Variants in TLN2 observed in about 807,000 individuals in gnomAD.
TLN2 encodes talin 2.
Under a neutral mutation model 294.7 loss-of-function variants are expected in TLN2, and 118 were observed. That is an observed-to-expected ratio of 0.40 (90% CI 0.34 to 0.47). The LOEUF (loss-of-function observed/expected upper bound fraction) is 0.47, where lower values mean the gene tolerates loss of function less well. TLN2 is among the 20% of genes least tolerant of loss of function. The pLI is 0.84. For missense variants in TLN2, 3,083 were observed against 3,282.2 expected, an observed-to-expected ratio of 0.94 and a Z score of 1.48; for synonymous variants, 1,431 against 1,304.5, an observed-to-expected ratio of 1.10 and a Z score of -2.09.
At chr15:62,786,111 T>C (rs183220881) in intron 45 of TLN2, among the ~76,000 whole-genome samples, 1 of 152,314 alleles carries the variant, frequency 6.6e-6, no homozygotes, top group East Asian at 1.9e-4. Flanking sequence ...AGGAAAATTC[T>C]TTGTGTACAT....
chr15:62,624,355 A>G (rs1484032751), intron 3 of TLN2, among the ~76,000 whole-genome samples: 1 of 152,170 alleles, frequency 6.6e-6, no homozygotes, highest in Non-Finnish European at 1.5e-5. Context: ...TTCTCAGCTG[A>G]TAGAGTAAAC....
rs942980505 is a variant in TLN2 at position 62,643,293 on chromosome 15, A to G, written c.-36-3982A>G. Among the ~76,000 whole-genome samples, 8 of 152,172 alleles carry G rather than the reference A, an allele frequency of 5.3e-5. No homozygotes were observed. The East Asian group carries it at 1.5e-3, about 29-fold the overall frequency. On this transcript the variant is annotated intron_variant, in intron 3 of 58. Coordinates refer to ENST00000636159, the MANE Select transcript of TLN2 (RefSeq NM_015059.3). ...GTTGTTGGCCTTATCTCAAGCTTGG[A>G]AAAACTAAATCTTAATAAAATGGGG...
chr15:62,810,732 C>T (rs2141174849), intron 52 of TLN2, among the ~76,000 whole-genome samples: 1 of 152,282 alleles, frequency 6.6e-6, no homozygotes, highest in African/African-American at 2.4e-5. Flanking sequence ...CAGTGTGTAT[C>T]TGTCTCTGCT....
intron 37 of TLN2, among the ~76,000 whole-genome samples, chr15:62,760,955 C>T (rs1045814502): frequency 5.9e-5 from 9 of 152,186 alleles, no homozygotes; most frequent in Admixed American, 5.9e-4. Context: ...TCCTTATGCT[C>T]TCTCCGGTCT....
At chr15:62,644,781 T>G (rs573516355) in intron 3 of TLN2, 3 of 349,626 alleles carry the variant, frequency 8.6e-6, no homozygotes, top group African/African-American at 6.4e-5. Context: ...GCTGTTACAT[T>G]TGGCTCTCGG....
chr15:62,638,005 C>G (rs11630238), intron 3 of TLN2: 100,119 of 153,230 alleles, frequency 0.65, 33,248 homozygotes, highest in Middle Eastern at 0.74. Context: ...GGTAGATGAG[C>G]CTGGGCGGTG....
At chr15:62,728,414 A>G (rs1392147986) in intron 28 of TLN2, among the ~76,000 whole-genome samples, 2 of 152,230 alleles carry the variant, frequency 1.3e-5, no homozygotes, top group Non-Finnish European at 1.5e-5. Context: ...GCCAGGAACA[A>G]GTCCGGTCCA....
intron 11 of TLN2, chr15:62,682,816 C>T (rs1274191073): frequency 6.6e-6 from 1 of 152,160 alleles, no homozygotes; most frequent in African/African-American, 2.4e-5. Flanking sequence ...TGTAACCCTT[C>T]TCACTTCCAA....
chr15:62,811,710 G>A (rs1277500678), intron 52 of TLN2, among the ~76,000 whole-genome samples: 1 of 152,066 alleles, frequency 6.6e-6, no homozygotes, highest in Non-Finnish European at 1.5e-5. Context: ...GCTAACATTT[G>A]CTGAATGCCT....
At chr15:62,698,929 A>ATT in intron 16 of TLN2, 62 bp downstream of exon 16, 1 of 1,463,800 alleles carries the variant, frequency 6.8e-7, no homozygotes, top group Non-Finnish European at 9.4e-7. Context: ...AGGGTTATAT[A>ATT]CTCTGTCGGG....
chr15:62,647,697 T>C (rs750069016), intron 4 of TLN2, among the ~76,000 whole-genome samples: 10 of 152,220 alleles, frequency 6.6e-5, no homozygotes, highest in Non-Finnish European at 1.5e-4. Flanking sequence ...GATTATGCTC[T>C]GCGGTTTACA....
intron 1 of TLN2, among the ~76,000 whole-genome samples, chr15:62,519,531 T>G (rs1037273866): frequency 6.6e-5 from 10 of 152,244 alleles, no homozygotes; most frequent in African/African-American, 2.4e-4. Flanking sequence ...TTAGCCTCTT[T>G]GCAGAATAGA....
intron 3 of TLN2, among the ~76,000 whole-genome samples, chr15:62,621,368 T>G (rs917489598): frequency 1.1e-4 from 16 of 152,062 alleles, no homozygotes; most frequent in South Asian, 6.2e-4. Context: ...ACTATTAGGG[T>G]GAATAGAAGG....
intron 18 of TLN2, among the ~76,000 whole-genome samples, chr15:62,702,436 G>A (rs1417362126): frequency 6.6e-6 from 1 of 152,184 alleles, no homozygotes; most frequent in African/African-American, 2.4e-5. Flanking sequence ...TGCAGCTACA[G>A]GAACTTAACA....
intron 1 of TLN2, among the ~76,000 whole-genome samples, chr15:62,391,112 C>A (rs1393729031): frequency 6.6e-6 from 1 of 152,188 alleles, no homozygotes; most frequent in African/African-American, 2.4e-5. Context: ...CCCAGCCGGG[C>A]CCCCGCGCCA....
chr15:62,432,530 GAAT>G (rs1162530400), intron 1 of TLN2, among the ~76,000 whole-genome samples: 1 of 152,200 alleles, frequency 6.6e-6, no homozygotes, highest in Non-Finnish European at 1.5e-5. Flanking sequence ...TCTAACATAT[GAAT>G]TTTGGATCGT....
At chr15:62,796,035 T>C in intron 46 of TLN2, 92 bp from the exon 47 acceptor site, 1 of 1,499,164 alleles carries the variant, frequency 6.7e-7, no homozygotes, top group South Asian at 1.3e-5. Flanking sequence ...CTACATCAAC[T>C]CCTAGGAGAG....
intron 1 of TLN2, among the ~76,000 whole-genome samples, chr15:62,403,087 A>C (rs919293600): frequency 1.6e-4 from 25 of 152,010 alleles, no homozygotes; most frequent in Non-Finnish European, 2.9e-4. Flanking sequence ...AAAACACAAA[A>C]ATTGGCTGGG....
At chr15:62,770,335 G>A (rs992438007) in intron 41 of TLN2, among the ~76,000 whole-genome samples, 1 of 152,240 alleles carries the variant, frequency 6.6e-6, no homozygotes, top group Admixed American at 6.5e-5. Context: ...TTTAGTGAGC[G>A]TGGATGGATA....
Sources: gnomAD v4.1 joint callset for allele counts (sites outside exome capture counted in the v4.1 genomes callset) on GRCh38, gnomAD v4.1.1 for gene constraint, MANE v1.5 for transcripts, NCBI Gene and HGNC (gene_info 2026-07-23, HGNC 2026-07-21) for gene names.